ROBO2: variants seen among roughly 807,000 people sequenced by gnomAD.
ROBO2 encodes roundabout guidance receptor 2.
ROBO2 carries 53 observed loss-of-function variants against 160.8 expected under a neutral mutation model. The observed-to-expected ratio is 0.33, with a 90% CI of 0.26 to 0.41. The LOEUF is 0.41. ROBO2 is among the 10% of genes least tolerant of loss of function. The pLI, the probability that ROBO2 is intolerant of heterozygous loss-of-function variation, is 1.00. For missense variants in ROBO2, 1,577 were observed against 1,722.4 expected (o/e 0.92, Z 1.49); for synonymous variants, 664 against 611.7 (o/e 1.09, Z -1.26).
intron 2 of ROBO2, among the ~76,000 whole-genome samples, chr3:77,250,407 G>T (rs2090199735): frequency 6.6e-6 from 1 of 152,138 alleles, no homozygotes; most frequent in African/African-American, 2.4e-5. Context: ...AAATGGAAAT[G>T]CCTTTTCCCT....
intron 2 of ROBO2, among the ~76,000 whole-genome samples, chr3:75,969,970 A>G (rs771938893): frequency 1.3e-5 from 2 of 151,524 alleles, no homozygotes; most frequent in Non-Finnish European, 3.0e-5. Flanking sequence ...GGCCAATATC[A>G]AGGAGTTGTT....
chr3:77,635,182 G>T, intron 24 of ROBO2, 139 bp downstream of exon 25: 1 of 834,860 alleles, frequency 1.2e-6, no homozygotes, highest in Non-Finnish European at 1.9e-6. Context: ...ATATGGCCTT[G>T]TTTAAATAAA....
intron 2 of ROBO2, among the ~76,000 whole-genome samples, chr3:77,002,233 A>C (rs2061368516): frequency 6.6e-6 from 1 of 151,988 alleles, no homozygotes; most frequent in Admixed American, 6.6e-5. Flanking sequence ...ATGGGACTTG[A>C]TGACAAATTA....
chr3:77,610,908 T>C (rs567134400), intron 21 of ROBO2, among the ~76,000 whole-genome samples: 2 of 152,168 alleles, frequency 1.3e-5, no homozygotes, highest in East Asian at 3.9e-4. Context: ...TCCTAAAGCT[T>C]GCTCCTCTAT....
At chr3:76,636,542 C>T (rs568762273) in intron 2 of ROBO2, among the ~76,000 whole-genome samples, 21 of 152,248 alleles carry the variant, frequency 1.4e-4, no homozygotes, top group Admixed American at 7.8e-4. Flanking sequence ...CTGTGAGTCC[C>T]CAGTCCTGAC....
At chr3:77,426,678 C>CAGGAAGGAAGGA (rs142467400) in intron 2 of ROBO2, among the ~76,000 whole-genome samples, 28 of 119,892 alleles carry the variant, frequency 2.3e-4, no homozygotes, top group South Asian at 6.5e-4. Flanking sequence ...ATCATTTGGT[C>CAGGAAGGAAGGA]AGGAAGGAAG....
chr3:75,969,509 T>A (rs2107346060), intron 2 of ROBO2, among the ~76,000 whole-genome samples: 1 of 151,752 alleles, frequency 6.6e-6, no homozygotes, highest in Admixed American at 6.6e-5. Context: ...CCAAAATGGC[T>A]GTCTCAGTTT....
At chr3:76,405,888 A>G (rs562720822) in intron 2 of ROBO2, among the ~76,000 whole-genome samples, 22 of 151,796 alleles carry the variant, frequency 1.4e-4, no homozygotes, top group Non-Finnish European at 2.8e-4. Context: ...TGATTTGCTC[A>G]TATGGTTCTG....
Position 77,413,131 on chromosome 3 carries a change from A to G in ROBO2, c.389-64283A>G, listed in dbSNP as rs1458178689. On this transcript the variant is annotated intron_variant, in intron 2 of 25. Transcript: ENST00000461745. ...GGGCCCTGGGGATTCTGAAAGGAAC[A>G]AAAGAGACCAAAATCAGTCCTTTTG... Among the ~76,000 whole-genome samples the G allele has an allele frequency of 2.6e-5, 4 of 152,160 alleles. No homozygotes were observed. In the East Asian group the frequency reaches 7.7e-4, roughly 29 times the overall value.
At chr3:76,597,157 A>G (rs1030181394) in intron 2 of ROBO2, among the ~76,000 whole-genome samples, 1 of 152,164 alleles carries the variant, frequency 6.6e-6, no homozygotes, top group African/African-American at 2.4e-5. Flanking sequence ...CCGTAAAACT[A>G]TTAAATTTTT....
At chr3:77,468,972 A>C (rs2083073108) in intron 2 of ROBO2, among the ~76,000 whole-genome samples, 2 of 152,070 alleles carry the variant, frequency 1.3e-5, no homozygotes, top group South Asian at 4.1e-4. Flanking sequence ...ACCACTTATG[A>C]CTTATGCCCA....
At chr3:76,957,916 T>C (rs1035376620) in intron 2 of ROBO2, among the ~76,000 whole-genome samples, 4 of 152,022 alleles carry the variant, frequency 2.6e-5, no homozygotes, top group African/African-American at 7.2e-5. Flanking sequence ...ACGGATGAGA[T>C]GGAAGGGGGA....
intron 2 of ROBO2, among the ~76,000 whole-genome samples, chr3:76,740,811 G>A (rs760988283): frequency 6.6e-6 from 1 of 151,924 alleles, no homozygotes; most frequent in Non-Finnish European, 1.5e-5. Context: ...TTACATTTCT[G>A]TGACATTTTC....
At chr3:77,294,423 G>C (rs1287423036) in intron 2 of ROBO2, among the ~76,000 whole-genome samples, 1 of 123,730 alleles carries the variant, frequency 8.1e-6, no homozygotes, top group Non-Finnish European at 1.7e-5. Context: ...GGTAAAACGG[G>C]AAGTTGAGCC....
chr3:76,905,090 G>A (rs546252505), intron 2 of ROBO2, among the ~76,000 whole-genome samples: 2 of 152,066 alleles, frequency 1.3e-5, no homozygotes, highest in South Asian at 4.2e-4. Flanking sequence ...TCAGAGTTTC[G>A]CTTAATTTCA....
At chr3:77,396,545 A>T (rs1221401319) in intron 2 of ROBO2, among the ~76,000 whole-genome samples, 1 of 152,136 alleles carries the variant, frequency 6.6e-6, no homozygotes, top group Non-Finnish European at 1.5e-5. Flanking sequence ...TTTTAGTTAT[A>T]GTACTTAATT....
At chr3:76,273,437 A>G (rs752210293) in intron 2 of ROBO2, among the ~76,000 whole-genome samples, 13 of 152,186 alleles carry the variant, frequency 8.5e-5, no homozygotes, top group South Asian at 2.1e-4. Context: ...TCACACTGCT[A>G]TAAAGAACTG....
chr3:77,408,589 A>G (rs751738316), intron 2 of ROBO2, among the ~76,000 whole-genome samples: 22 of 152,292 alleles, frequency 1.4e-4, no homozygotes, highest in Non-Finnish European at 2.6e-4. Context: ...ATAATATACT[A>G]TCAGGACTGG....
intron 2 of ROBO2, among the ~76,000 whole-genome samples, chr3:76,447,270 A>C (rs1389335177): frequency 1.3e-5 from 2 of 152,250 alleles, no homozygotes; most frequent in African/African-American, 2.4e-5. Flanking sequence ...ACATTTATGC[A>C]GCCAAAAAAC....
Sources: gnomAD v4.1 joint callset for allele counts (sites outside exome capture counted in the v4.1 genomes callset) on GRCh38, gnomAD v4.1.1 for gene constraint, MANE v1.5 for transcripts, NCBI Gene and HGNC (gene_info 2026-07-23, HGNC 2026-07-21) for gene names.